The following CAST variants were observed in gnomAD, a reference collection of about 807,000 sequenced individuals.
CAST encodes calpastatin, also known as MIR583 host.
In CAST, 76 loss-of-function variants were observed where a neutral mutation model predicts 119.6. The observed-to-expected ratio is 0.64, with a 90% CI of 0.53 to 0.77. CAST has a LOEUF of 0.77. Ranked by LOEUF, CAST falls within the 30% of genes least tolerant of loss-of-function variation. The probability of loss-of-function intolerance (pLI) is 0.00; values close to 1 mark genes in which losing one functional copy is unlikely to be tolerated. For missense variants in CAST, 953 were observed against 946.5 expected (o/e 1.01, Z -0.09); for synonymous variants, 319 against 331.6 (o/e 0.96, Z 0.41).
chr5:96,493,569 A>G, the CAST span, among the ~76,000 whole-genome samples: 4 of 152,180 alleles, frequency 2.6e-5, no homozygotes, highest in Non-Finnish European at 5.9e-5. Context: ...CCCAAGCATC[A>G]TGCTGGGTGT....
chr5:96,175,398 A>C, the CAST span, among the ~76,000 whole-genome samples: 2 of 152,226 alleles, frequency 1.3e-5, no homozygotes, highest in East Asian at 3.8e-4. Flanking sequence ...TATCTACTGA[A>C]TGCCAAGGAC....
intron 29 of CAST, among the ~76,000 whole-genome samples, chr5:96,768,603 C>T (rs1007196341): frequency 1.3e-5 from 2 of 152,270 alleles, no homozygotes; most frequent in East Asian, 3.9e-4. Context: ...ATTTCCATAG[C>T]CACCATTTTT....
At chr5:96,507,076 T>C in the CAST span, among the ~76,000 whole-genome samples, 1 of 151,808 alleles carries the variant, frequency 6.6e-6, no homozygotes, top group Admixed American at 6.6e-5. Context: ...GGGGTGAGGG[T>C]GGAGGGGATG....
At chr5:96,034,124 A>T in the CAST span, among the ~76,000 whole-genome samples, 5 of 152,058 alleles carry the variant, frequency 3.3e-5, no homozygotes, top group African/African-American at 1.2e-4. Flanking sequence ...AATAAATTTT[A>T]AAAAATAAGT....
chr5:96,123,428 G>T, the CAST span, among the ~76,000 whole-genome samples: 5 of 152,088 alleles, frequency 3.3e-5, no homozygotes, highest in Admixed American at 2.0e-4. Flanking sequence ...CTTCCTGAAG[G>T]CTTGTTGATT....
At chr5:96,387,940 A>T in the CAST span, among the ~76,000 whole-genome samples, 1 of 152,166 alleles carries the variant, frequency 6.6e-6, no homozygotes, top group African/African-American at 2.4e-5. Context: ...AAATTCGAGG[A>T]TGTTTTCCTC....
the CAST span, among the ~76,000 whole-genome samples, chr5:96,233,157 C>A: frequency 6.6e-6 from 1 of 152,044 alleles, no homozygotes; most frequent in Non-Finnish European, 1.5e-5. Context: ...ATGTAAAATG[C>A]AAATTGCTAT....
At chr5:96,397,417 G>C in the CAST span, 2 of 1,611,062 alleles carry the variant, frequency 1.2e-6, no homozygotes, top group Admixed American at 3.3e-5. Flanking sequence ...AATTCTTAAA[G>C]CCATTAGGAG....
the CAST span, among the ~76,000 whole-genome samples, chr5:96,108,103 G>C: frequency 1.3e-5 from 2 of 151,702 alleles, no homozygotes; most frequent in Non-Finnish European, 1.5e-5. Flanking sequence ...CTCTGTATTG[G>C]TTATTCTAGT....
At chr5:96,616,294 T>G (rs148690935) in intron 1 of CAST, among the ~76,000 whole-genome samples, 72 of 152,330 alleles carry the variant, frequency 4.7e-4, no homozygotes, top group African/African-American at 1.7e-3. Context: ...AAGATGTTCA[T>G]CTAAGCATGG....
intron 3 of CAST, among the ~76,000 whole-genome samples, chr5:96,701,242 A>C (rs1753855748): frequency 6.6e-6 from 1 of 151,996 alleles, no homozygotes; most frequent in South Asian, 2.1e-4. Context: ...AATTTGTTTT[A>C]TAACCATGTG....
At chr5:96,139,514 A>ATATG in the CAST span, among the ~76,000 whole-genome samples, 2 of 137,390 alleles carry the variant, frequency 1.5e-5, no homozygotes, top group Non-Finnish European at 1.5e-5. Context: ...ACACATATAT[A>ATATG]TATGTGTATA....
chr5:96,192,084 A>C, the CAST span, among the ~76,000 whole-genome samples: 7 of 152,162 alleles, frequency 4.6e-5, no homozygotes, highest in African/African-American at 1.7e-4. Flanking sequence ...TAAATTATAG[A>C]TGAGAAAACA....
chr5:96,107,842 C>A, the CAST span, among the ~76,000 whole-genome samples: 3 of 151,726 alleles, frequency 2.0e-5, no homozygotes, highest in African/African-American at 7.2e-5. Flanking sequence ...TCCATTCTCC[C>A]TGTCACTTTC....
the CAST span, among the ~76,000 whole-genome samples, chr5:96,337,520 A>G: frequency 6.6e-6 from 1 of 152,220 alleles, no homozygotes; most frequent in Admixed American, 6.5e-5. Flanking sequence ...AGATGCCGCA[A>G]AGCTCAGGAC....
chr5:96,574,031 T>TGA (rs1561420504), intron 1 of CAST, among the ~76,000 whole-genome samples: 1 of 6,954 alleles, frequency 1.4e-4, no homozygotes, highest in Non-Finnish European at 2.1e-4. Flanking sequence ...ACTTTCTTTT[T>TGA]TTTTTTTTTT....
At chr5:96,343,178 A>T in the CAST span, among the ~76,000 whole-genome samples, 1 of 152,214 alleles carries the variant, frequency 6.6e-6, no homozygotes, top group African/African-American at 2.4e-5. Context: ...CACTAAAAAA[A>T]AACACATTTA....
At chr5:96,269,110 C>G in the CAST span, among the ~76,000 whole-genome samples, 1 of 152,132 alleles carries the variant, frequency 6.6e-6, no homozygotes, top group Non-Finnish European at 1.5e-5. Flanking sequence ...AAAGCTCTTT[C>G]TCTCTCTTTT....
intron 1 of CAST, among the ~76,000 whole-genome samples, chr5:96,578,376 G>A (rs775530133): frequency 4.0e-5 from 6 of 149,884 alleles, no homozygotes; most frequent in Non-Finnish European, 8.9e-5. Context: ...AACTGTATGC[G>A]GTCCATAAGA....
Sources: allele counts gnomAD v4.1 joint callset (sites outside exome capture counted in the v4.1 genomes callset), GRCh38; gene constraint gnomAD v4.1.1; transcripts MANE v1.5; gene names NCBI Gene and HGNC (gene_info 2026-07-23, HGNC 2026-07-21).